PTPRD: variants seen among roughly 807,000 people sequenced by gnomAD.
PTPRD encodes the protein receptor-type tyrosine-protein phosphatase delta.
Under a neutral mutation model 214.5 loss-of-function variants are expected in PTPRD, and 34 were observed. That is an observed-to-expected ratio of 0.16 (90% CI 0.12 to 0.21). The LOEUF is 0.21. PTPRD is among the 10% of genes least tolerant of loss of function. The probability of loss-of-function intolerance (pLI) is 1.00; values close to 1 mark genes in which losing one functional copy is unlikely to be tolerated. For missense variants in PTPRD, 2,545 were observed against 2,398.7 expected, an observed-to-expected ratio of 1.06 and a Z score of -1.27; for synonymous variants, 1,128 against 845.7, an observed-to-expected ratio of 1.33 and a Z score of -5.79.
chr9:8,357,457 C>T (rs1421016341), intron 39 of PTPRD, among the ~76,000 whole-genome samples: 6 of 152,122 alleles, frequency 3.9e-5, no homozygotes, highest in African/African-American at 1.4e-4. Flanking sequence ...GGACTGGAAC[C>T]CCTGAAGAGG....
Position 8,504,332 on chromosome 9 carries a change from C to A in PTPRD, c.1751G>T (p.Arg584Leu), listed in dbSNP as rs139581216. 3.1e-6 allele frequency: 5 copies of A among 1,613,960 alleles called. No homozygotes were observed. The highest frequency in any genetic ancestry group is 2.2e-5 in the East Asian group (1 of 44,890). ...GCCTTGAGGGGAGCGTGCAGCCAGA[C>A]GGAAATAGTATAAGCTGTTTGGTTT... ...GLKPNSLYYF[R>L]LAARSPQGLG... Residue 584 changes from arginine (R) to leucine (L), a missense_variant, in exon 23 of 46, where the codon CGT (arginine) becomes CTT (leucine). Coordinates refer to ENST00000381196, the MANE Select transcript of PTPRD (RefSeq NM_002839.4).
chr9:10,608,047 A>G (rs1030185617), intron 2 of PTPRD, among the ~76,000 whole-genome samples: 6 of 151,958 alleles, frequency 3.9e-5, no homozygotes, highest in Non-Finnish European at 7.4e-5. Context: ...GAAGTTCTCA[A>G]TTTCCTCTTT....
chr9:9,405,034 AC>A (rs1287679157), intron 8 of PTPRD, among the ~76,000 whole-genome samples: 2 of 152,012 alleles, frequency 1.3e-5, no homozygotes, highest in Admixed American at 6.6e-5. Context: ...TCCCGGTGGC[AC>A]CCTAATGATT....
At chr9:9,530,916 G>A (rs1354264901) in intron 8 of PTPRD, among the ~76,000 whole-genome samples, 4 of 152,080 alleles carry the variant, frequency 2.6e-5, no homozygotes, top group African/African-American at 7.2e-5. Context: ...ATGAGGAGGG[G>A]TTGGTGAATG....
intron 5 of PTPRD, among the ~76,000 whole-genome samples, chr9:9,779,297 A>G (rs1014579564): frequency 7.2e-5 from 11 of 151,914 alleles, no homozygotes; most frequent in African/African-American, 2.4e-4. Context: ...TGGCTTTGAC[A>G]AAAAAAATTT....
chr9:9,942,839 C>T (rs1346242176), intron 4 of PTPRD, among the ~76,000 whole-genome samples: 1 of 150,708 alleles, frequency 6.6e-6, no homozygotes, highest in Non-Finnish European at 1.5e-5. Flanking sequence ...TCATCCTATA[C>T]ATTTTCAAAA....
chr9:10,057,112 G>A (rs1002067829), intron 3 of PTPRD, among the ~76,000 whole-genome samples: 2 of 152,108 alleles, frequency 1.3e-5, no homozygotes. Flanking sequence ...AACCTTGGAT[G>A]GTTCTCCTAA....
intron 10 of PTPRD, among the ~76,000 whole-genome samples, chr9:9,082,006 A>T (rs2099759874): frequency 6.6e-6 from 1 of 152,014 alleles, no homozygotes; most frequent in Non-Finnish European, 1.5e-5. Flanking sequence ...GACCAGACAG[A>T]TTCACAGCCA....
At chr9:9,194,225 C>A (rs903860423) in intron 9 of PTPRD, among the ~76,000 whole-genome samples, 1 of 152,136 alleles carries the variant, frequency 6.6e-6, no homozygotes, top group Non-Finnish European at 1.5e-5. Flanking sequence ...TCTATGATAA[C>A]AATGCCTTCA....
intron 37 of PTPRD, among the ~76,000 whole-genome samples, chr9:8,385,688 T>G (rs1014692950): frequency 6.6e-6 from 1 of 152,172 alleles, no homozygotes; most frequent in Admixed American, 6.5e-5. Flanking sequence ...TATCACTACA[T>G]GTAACCCATG....
intron 11 of PTPRD, among the ~76,000 whole-genome samples, chr9:8,819,504 T>C (rs1301632965): frequency 2.0e-5 from 3 of 151,858 alleles, no homozygotes; most frequent in Non-Finnish European, 4.4e-5. Flanking sequence ...CTAATAAAAA[T>C]ACAAAAATTA....
At chr9:10,605,933 C>A (rs949545971) in intron 2 of PTPRD, among the ~76,000 whole-genome samples, 8 of 151,770 alleles carry the variant, frequency 5.3e-5, no homozygotes, top group Non-Finnish European at 8.8e-5. Flanking sequence ...TCTGACTTGA[C>A]AACATTTACA....
intron 9 of PTPRD, among the ~76,000 whole-genome samples, chr9:9,347,087 A>G (rs1187447108): frequency 1.3e-5 from 2 of 152,216 alleles, no homozygotes; most frequent in South Asian, 2.1e-4. Context: ...GCATCACTTG[A>G]GCCTGGGAGG....
At chr9:9,137,749 C>G (rs1023508573) in intron 10 of PTPRD, among the ~76,000 whole-genome samples, 1 of 152,228 alleles carries the variant, frequency 6.6e-6, no homozygotes, top group African/African-American at 2.4e-5. Context: ...GTTTCTCTGA[C>G]AGTTGTATAT....
chr9:9,374,734 C>T (rs1479697058), intron 9 of PTPRD, among the ~76,000 whole-genome samples: 1 of 152,150 alleles, frequency 6.6e-6, no homozygotes, highest in African/African-American at 2.4e-5. Flanking sequence ...AATGCATATA[C>T]AAAGAACAAG....
At chr9:10,015,257 ATTT>A (rs953886515) in intron 4 of PTPRD, among the ~76,000 whole-genome samples, 1 of 152,126 alleles carries the variant, frequency 6.6e-6, no homozygotes, top group African/African-American at 2.4e-5. Context: ...CGCTAATTGA[ATTT>A]TTCAGCAACA....
chr9:8,694,146 G>C (rs192869494), intron 12 of PTPRD, among the ~76,000 whole-genome samples: 4 of 152,104 alleles, frequency 2.6e-5, no homozygotes, highest in Admixed American at 1.3e-4. Flanking sequence ...TTTTAAATAA[G>C]AGAATATATT....
At chr9:9,381,767 G>C (rs1218819358) in intron 9 of PTPRD, among the ~76,000 whole-genome samples, 1 of 149,536 alleles carries the variant, frequency 6.7e-6, no homozygotes, top group Non-Finnish European at 1.5e-5. Context: ...ATACGAGTTT[G>C]CACTATAGCT....
At position 10,241,425 on chromosome 9, in the gene PTPRD, A is replaced by G. The variant is rs147445099; in HGVS notation, c.-545+99538T>C. On this transcript the variant is annotated intron_variant, in intron 3 of 45. Transcript: ENST00000381196. ...AACGTTCATAGAAGCTTTGTCTGTAATAGCCAAGAACTGACAAGAGTAGAC... is the reference window on the plus strand; with the variant it reads ...AACGTTCATAGAAGCTTTGTCTGTAGTAGCCAAGAACTGACAAGAGTAGAC... Among the ~76,000 whole-genome samples the G allele has an allele frequency of 2.4e-3, 361 of 152,124 alleles. 1 individual carries two copies. The highest frequency in any genetic ancestry group is 8.2e-3 in the African/African-American group (341 of 41,564).
Sources: gnomAD v4.1 joint callset for allele counts (sites outside exome capture counted in the v4.1 genomes callset) on GRCh38, gnomAD v4.1.1 for gene constraint, MANE v1.5 for transcripts, NCBI Gene and HGNC (gene_info 2026-07-23, HGNC 2026-07-21) for gene names.